BCL9: variants seen among roughly 807,000 people sequenced by gnomAD.
BCL9 encodes BCL9 transcription coactivator, also known as B-cell CLL/lymphoma 9 protein.
A neutral mutation model predicts 88.5 loss-of-function variants in BCL9; 25 were observed. The observed-to-expected ratio is 0.28, with a 90% confidence interval of 0.21 to 0.39. The LOEUF (loss-of-function observed/expected upper bound fraction) is 0.39. Among genes scored for constraint, BCL9 ranks in the 10% least tolerant of loss-of-function variants. The pLI is 1.00. For synonymous variants in BCL9, 711 were observed against 673.3 expected, an observed-to-expected ratio of 1.06 and a Z score of -0.87; for missense variants, 1,817 against 1,877.8, an observed-to-expected ratio of 0.97 and a Z score of 0.60.
intron 1 of BCL9, among the ~76,000 whole-genome samples, chr1:147,597,134 T>C (rs1657091397): frequency 6.6e-6 from 1 of 152,348 alleles, no homozygotes; most frequent in African/African-American, 2.4e-5. Context: ...GGCAAATCAT[T>C]GAACTTCTAT....
chr1:147,608,428 A>T (rs1377283853), intron 3 of BCL9, among the ~76,000 whole-genome samples: 2 of 144,152 alleles, frequency 1.4e-5, no homozygotes, highest in African/African-American at 5.1e-5. Flanking sequence ...CAGAGGGGAA[A>T]ATGAGAGCTC....
rs781856317 is a variant in BCL9, at chr1:147,624,806, C to T, written c.4128C>T (p.Gly1376=). The part of the protein sequence containing the change: ...AGLYTHPGPV[G]SPGMMMSMQG... ...TCTACACCCACCCTGGGCCTGTGGG[C>T]TCTCCAGGCATGATGATGTCCATGC... The change falls in exon 10 of 10, where the codon GGC becomes GGT. Residue 1376 remains glycine, a synonymous_variant. Coordinates refer to ENST00000234739, the MANE Select transcript of BCL9 (RefSeq NM_004326.4). The surrounding 1 kb of genome is among the most constrained non-coding windows in gnomAD (Gnocchi z 4.4). 1.9e-6 allele frequency: 3 copies of T among 1,614,062 alleles called. No homozygotes were observed. The highest frequency in any genetic ancestry group is 2.7e-5 in the African/African-American group (2 of 74,928).
At chr1:147,560,446 TG>T (rs1278175662) in intron 1 of BCL9, among the ~76,000 whole-genome samples, 2 of 151,244 alleles carry the variant, frequency 1.3e-5, no homozygotes, top group Non-Finnish European at 1.5e-5. Flanking sequence ...AAAAATTAGC[TG>T]GGCTTGGTGG....
chr1:147,566,766 G>GA (rs142463650), intron 1 of BCL9, among the ~76,000 whole-genome samples: 109,862 of 139,330 alleles, frequency 0.79, 40,220 homozygotes, highest in African/African-American at 0.84. Context: ...CAAAAAAAAA[G>GA]AAAAAAAAAG....
chr1:147,557,760 G>C (rs1655184389), intron 1 of BCL9, among the ~76,000 whole-genome samples: 1 of 152,088 alleles, frequency 6.6e-6, no homozygotes, highest in Non-Finnish European at 1.5e-5. Flanking sequence ...AGGATCCCAT[G>C]GGTGCAAACT....
intron 1 of BCL9, among the ~76,000 whole-genome samples, chr1:147,579,537 C>T (rs1267971955): frequency 6.6e-6 from 1 of 152,198 alleles, no homozygotes; most frequent in African/African-American, 2.4e-5. Flanking sequence ...GGCTCTCAGA[C>T]CCATGCTGGG....
intron 1 of BCL9, among the ~76,000 whole-genome samples, chr1:147,560,103 A>T (rs1318950908): frequency 6.6e-6 from 1 of 152,214 alleles, no homozygotes; most frequent in African/African-American, 2.4e-5. Context: ...TGATGCAGGG[A>T]AACACTTGTG....
intron 7 of BCL9, 129 bp from the exon 8 acceptor site, chr1:147,618,687 G>A: frequency 1.1e-6 from 1 of 942,556 alleles, no homozygotes; most frequent in South Asian, 3.1e-5. Flanking sequence ...TTGTACGTGA[G>A]CAATTTCTAC....
At chr1:147,549,667 A>C (rs1553194618) in intron 1 of BCL9, among the ~76,000 whole-genome samples, 1 of 152,216 alleles carries the variant, frequency 6.6e-6, no homozygotes, top group East Asian at 1.9e-4. Context: ...TTCTGGTTGC[A>C]AAGGACTGAC....
intron 1 of BCL9, among the ~76,000 whole-genome samples, chr1:147,548,880 C>A (rs1654741935): frequency 6.6e-6 from 1 of 151,690 alleles, no homozygotes; most frequent in Non-Finnish European, 1.5e-5. Context: ...AAGGAAATTT[C>A]TCATAGGGTA....
At chr1:147,566,648 C>T (rs758173543) in intron 1 of BCL9, among the ~76,000 whole-genome samples, 2 of 151,582 alleles carry the variant, frequency 1.3e-5, no homozygotes, top group Non-Finnish European at 2.9e-5. Context: ...CCCAGCTAGA[C>T]GGGAGGCCGA....
intron 1 of BCL9, among the ~76,000 whole-genome samples, chr1:147,581,835 G>A (rs1656385235): frequency 6.6e-6 from 1 of 151,998 alleles, no homozygotes; most frequent in Non-Finnish European, 1.5e-5. Context: ...TTTACATCTA[G>A]GTTGCATTTT....
In BCL9 at chr1:147,624,033, A is replaced by C; in HGVS notation, c.3355A>C (p.Ile1119Leu). 1.2e-6 allele frequency: 2 copies of C among 1,614,148 alleles called. No homozygotes were observed. Among genetic ancestry groups the C allele is most frequent in the African/African-American group, 1.3e-5 (1 of 75,036 alleles). ...MGPGLMSHNPIMGHGSQEPPM... is the reference protein window; with the variant it reads ...MGPGLMSHNPLMGHGSQEPPM... ...GCCTGGCTTGATGTCACACAATCCT[A>C]TCATGGGGCATGGGTCCCAGGAGCC... The change falls in exon 10 of 10, where the codon ATC (isoleucine) becomes CTC (leucine). Residue 1119 changes from isoleucine (I) to leucine (L), a missense_variant. Around this residue, in one of 2 missense-constraint regions of BCL9, gnomAD observed 589 missense variants for 686.2 expected, o/e 0.86. Transcript: ENST00000234739. This position sits in a 1 kb window ranked among gnomAD's most constrained non-coding sequence, Gnocchi z 4.4.
rs587611563 is a variant in BCL9 at position 147,622,460 on chromosome 1, C to T, written c.3092C>T (p.Thr1031Ile). Reference sequence around the variant, plus strand: ...CCGTTATACCATGATGCTATCAAGACTGTGGCCAGCTCAGATGACGACTCC... The same window carrying T: ...CCGTTATACCATGATGCTATCAAGATTGTGGCCAGCTCAGATGACGACTCC... ...STPLYHDAIK[T>I]VASSDDDSPP... Residue 1031 changes from threonine (T) to isoleucine (I), a missense_variant, in exon 9 of 10, where the codon ACT becomes ATT. Thr to Ile is a moderately conservative substitution (Grantham distance 89). This residue lies in a region of BCL9 where 589 missense variants were observed against 686.2 expected (regional missense o/e 0.86). Transcript: ENST00000234739. The T allele has an allele frequency of 6.2e-7, 1 of 1,614,178 alleles. No homozygotes were observed. Among genetic ancestry groups the T allele is most frequent in the Admixed American group, 1.7e-5 (1 of 60,026 alleles).
chr1:147,622,641 GA>G, intron 9 of BCL9, 110 bp downstream of exon 9: 1 of 1,370,352 alleles, frequency 7.3e-7, no homozygotes, highest in Non-Finnish European at 9.9e-7. Flanking sequence ...TCAACAAGTA[GA>G]AAAAATCTTC....
intron 1 of BCL9, among the ~76,000 whole-genome samples, chr1:147,577,063 T>C (rs1656143933): frequency 6.6e-6 from 1 of 152,174 alleles, no homozygotes; most frequent in African/African-American, 2.4e-5. Flanking sequence ...TTTTTTTTTA[T>C]TGTTTCTGGC....
At chr1:147,621,256 T>C (rs1268173966) in intron 8 of BCL9, among the ~76,000 whole-genome samples, 199 bp downstream of exon 8, 1 of 150,854 alleles carries the variant, frequency 6.6e-6, no homozygotes, top group Non-Finnish European at 1.5e-5. Context: ...AAAAAATACG[T>C]ATGTCAGAGA....
rs1291910967 is a variant in BCL9, at chr1:147,604,780, T to C, written c.-474T>C. The C allele has an allele frequency of 6.6e-6, 1 of 152,238 alleles. No homozygotes were observed. Among genetic ancestry groups the C allele is most frequent in the South Asian group, 2.1e-4 (1 of 4,834 alleles). 9.4% of individuals were successfully genotyped at this position (152,238 alleles called of 1,614,324 possible). ...TTCTTTTTCCTTATCTGTATAGGAC[T>C]GAATGTGGGCCCAGTTGGCGTCATT... is the stretch of plus-strand genomic sequence containing the variant. On this transcript the variant is annotated 5_prime_UTR_variant, in exon 2 of 10. Coordinates refer to ENST00000234739, the MANE Select transcript of BCL9 (RefSeq NM_004326.4).
intron 1 of BCL9, among the ~76,000 whole-genome samples, chr1:147,573,779 G>A (rs1655987211): frequency 6.6e-6 from 1 of 152,138 alleles, no homozygotes; most frequent in South Asian, 2.1e-4. Flanking sequence ...TTATTTTCCA[G>A]GAAGGAGAAG....
Sources: gnomAD v4.1 joint callset for allele counts (sites outside exome capture counted in the v4.1 genomes callset) on GRCh38, gnomAD v4.1.1 for gene constraint, gnomAD v4.1.1 regional missense constraint, Gnocchi (gnomAD v3.1) non-coding constraint, MANE v1.5 for transcripts, NCBI Gene and HGNC (gene_info 2026-07-23, HGNC 2026-07-21) for gene names.